ASH1L: variants seen among roughly 807,000 people sequenced by gnomAD.
The protein encoded by ASH1L is ASH1 like histone lysine methyltransferase.
Under a neutral mutation model 269.0 loss-of-function variants are expected in ASH1L, and 23 were observed. The ratio of observed to expected loss-of-function variants is 0.09; its 90% CI spans 0.06 to 0.12. ASH1L has a LOEUF of 0.12. ASH1L is among the 10% of genes least tolerant of loss of function. The pLI is 1.00. For synonymous variants in ASH1L, 1,187 were observed against 1,253.5 expected (o/e 0.95, Z 1.12); for missense variants, 2,912 against 3,567.8 (o/e 0.82, Z 4.68).
In ASH1L at chr1:155,520,996, A is replaced by G. The variant is rs541024260; in HGVS notation, c.420+104T>C. On this transcript the variant is annotated intron_variant, in intron 2 of 27. Transcript: ENST00000392403. ...CACAAAAACAAACTATCTGGAAATA[A>G]CATAGATTAAAATCAAACTCCCGGA... The G allele has an allele frequency of 7.3e-6, 9 of 1,239,396 alleles. No individual in the cohort carries two copies. The African/African-American group carries it at 1.2e-4, about 17-fold the overall frequency. 76.8% of individuals were successfully genotyped at this position (1,239,396 alleles called of 1,614,324 possible).
At chr1:155,350,495 T>C (rs1476258500) in intron 17 of ASH1L, among the ~76,000 whole-genome samples, 1 of 152,170 alleles carries the variant, frequency 6.6e-6, no homozygotes, top group East Asian at 1.9e-4. Context: ...CTGTGAAGAA[T>C]GAGAGATGGG....
At chr1:155,445,566 G>A (rs1389606951) in intron 4 of ASH1L, among the ~76,000 whole-genome samples, 5 of 152,084 alleles carry the variant, frequency 3.3e-5, no homozygotes, top group Non-Finnish European at 5.9e-5. Context: ...CTGGGCTCAA[G>A]TGATCTTCCT....
In ASH1L at chr1:155,522,482, T is replaced by C. The variant is rs181508762; in HGVS notation, c.-99-864A>G. On this transcript the variant is annotated intron_variant, in intron 1 of 27. Coordinates refer to ENST00000392403, the MANE Select transcript of ASH1L (RefSeq NM_018489.3). ...ATAAGAACCTTAAAAATCAGCAATT[T>C]ATTTTTACAAGTTTTCCTAATAGCA... 1.4e-3 allele frequency among the ~76,000 whole-genome samples: 212 copies of C among 152,276 alleles called. 2 individuals carry two copies. The highest frequency in any genetic ancestry group is 0.01 in the Middle Eastern group (3 of 294).
chr1:155,443,597 G>T (rs911529537), intron 4 of ASH1L, among the ~76,000 whole-genome samples: 1 of 151,990 alleles, frequency 6.6e-6, no homozygotes, highest in Non-Finnish European at 1.5e-5. Context: ...AAAATAAATT[G>T]CCTGTCATCC....
At chr1:155,491,428 T>C (rs890525238) in intron 2 of ASH1L, among the ~76,000 whole-genome samples, 1 of 152,092 alleles carries the variant, frequency 6.6e-6, no homozygotes, top group African/African-American at 2.4e-5. Context: ...CAAATACTTA[T>C]GAAAAACTGT....
At chr1:155,365,654 G>A (rs1483207916) in intron 12 of ASH1L, among the ~76,000 whole-genome samples, 1 of 152,170 alleles carries the variant, frequency 6.6e-6, no homozygotes, top group Non-Finnish European at 1.5e-5. Flanking sequence ...ATTTTACCAA[G>A]GCTTTGATTG....
chr1:155,555,373 T>C (rs1023748951), intron 1 of ASH1L, among the ~76,000 whole-genome samples: 1 of 150,294 alleles, frequency 6.7e-6, no homozygotes, highest in Admixed American at 6.6e-5. Context: ...GGCTCGCACC[T>C]GTAGTCCAAG....
intron 1 of ASH1L, among the ~76,000 whole-genome samples, chr1:155,529,413 T>C (rs1305100916): frequency 6.6e-6 from 1 of 151,554 alleles, no homozygotes; most frequent in African/African-American, 2.4e-5. Context: ...GGTCTCACTG[T>C]GGTTTTGATT....
At position 155,425,097 on chromosome 1, in the gene ASH1L, G is replaced by A. The variant is rs543563394; in HGVS notation, c.5829-9174C>T. ...TTATTCTCCTGCCTCAGCCTCCTCA[G>A]TAGCTGTGATTAAAGGCATGCACAA... On this transcript the variant is annotated intron_variant, in intron 5 of 27. Coordinates refer to ENST00000392403, the MANE Select transcript of ASH1L (RefSeq NM_018489.3). Among the ~76,000 whole-genome samples the A allele has an allele frequency of 4.6e-5, 7 of 151,684 alleles. No individual in the cohort carries two copies. The South Asian group carries it at 1.5e-3, about 32-fold the overall frequency.
intron 7 of ASH1L, among the ~76,000 whole-genome samples, chr1:155,388,610 CCTT>C (rs1396086801): frequency 6.6e-6 from 1 of 150,434 alleles, no homozygotes; most frequent in Non-Finnish European, 1.5e-5. Flanking sequence ...GCCTGGCTGA[CCTT>C]CTTCCAACCT....
intron 21 of ASH1L, among the ~76,000 whole-genome samples, chr1:155,345,757 T>G (rs898369639): frequency 6.6e-6 from 1 of 150,812 alleles, no homozygotes; most frequent in African/African-American, 2.4e-5. Context: ...GAATTTTTAG[T>G]AGAGACAGGG....
rs779858852 is a variant in ASH1L, at chr1:155,480,911, C to T, written c.1959G>A (p.Lys653=). 4 of 1,613,818 alleles carry T rather than the reference C, an allele frequency of 2.5e-6. No individual in the cohort carries two copies. Among genetic ancestry groups the T allele is most frequent in the Middle Eastern group, 1.6e-4 (1 of 6,062 alleles). The change falls in exon 3 of 28, where the codon AAG becomes AAA. Residue 653 remains lysine, a synonymous_variant. Transcript: ENST00000392403. Reference sequence around the variant, plus strand: ...TGCTGGATTCAGAAGTCAAACTTGGCTTTTTTCCAAGGGAAGAGCTTATTC... The same window carrying T: ...TGCTGGATTCAGAAGTCAAACTTGGTTTTTTTCCAAGGGAAGAGCTTATTC... ...IPRISSSLGK[K]PSLTSESSIH...
At position 155,382,476 on chromosome 1, in the gene ASH1L, C is replaced by T. The variant is rs141960925; in HGVS notation, c.6104-2360G>A. Among the ~76,000 whole-genome samples, 936 of 152,172 alleles carry T rather than the reference C, an allele frequency of 6.2e-3. 5 individuals are homozygous for T. The highest frequency in any genetic ancestry group is 8.9e-3 in the Non-Finnish European group (604 of 67,990). ...TTGTGCCACTGCACTCCAGCCTGGG[C>T]GACAGAGCAAGACTCTGTCTCAAAC... On this transcript the variant is annotated intron_variant, in intron 7 of 27. Coordinates refer to ENST00000392403, the MANE Select transcript of ASH1L (RefSeq NM_018489.3).
intron 3 of ASH1L, among the ~76,000 whole-genome samples, chr1:155,474,722 T>G (rs1031237099): frequency 1.3e-5 from 2 of 151,304 alleles, no homozygotes; most frequent in East Asian, 3.9e-4. Context: ...AAAAAAAAAC[T>G]GTGTTCTCCT....
Position 155,562,578 on chromosome 1 carries a change from C to G in ASH1L, c.-525G>C. 1.3e-6 allele frequency: 2 copies of G among 1,529,564 alleles called. No individual in the cohort carries two copies. Among genetic ancestry groups the G allele is most frequent in the Non-Finnish European group, 1.8e-6 (2 of 1,141,576 alleles). The allele number at this position is 1,529,564 out of a possible 1,614,324, so 94.7% of individuals were successfully genotyped here. A position where few individuals can be genotyped will look rare whatever the true frequency, so the allele number is the denominator to read the frequency against. On this transcript the variant is annotated 5_prime_UTR_variant, in exon 1 of 28. Transcript: ENST00000392403. ...CACCGTCCCCCGCTCCGCCCGACTC[C>G]GTCCGCGTAGCGCGCACGCCCGCCC...
At chr1:155,473,318 GAAAC>G (rs1164063089) in intron 3 of ASH1L, among the ~76,000 whole-genome samples, 4 of 152,020 alleles carry the variant, frequency 2.6e-5, no homozygotes, top group Non-Finnish European at 4.4e-5. Flanking sequence ...TTGTACAAAA[GAAAC>G]AAACAGGTAC....
intron 25 of ASH1L, among the ~76,000 whole-genome samples, chr1:155,340,307 T>C (rs570158829): frequency 1.3e-5 from 2 of 152,060 alleles, no homozygotes; most frequent in Non-Finnish European, 2.9e-5. Context: ...CTCAGCCTCC[T>C]GAGTAACTGG....
At chr1:155,413,877 A>G (rs1401748120) in intron 6 of ASH1L, among the ~76,000 whole-genome samples, 2 of 152,186 alleles carry the variant, frequency 1.3e-5, no homozygotes, top group Non-Finnish European at 2.9e-5. Flanking sequence ...CTATCTTTTT[A>G]AAGTCTTGGT....
intron 1 of ASH1L, among the ~76,000 whole-genome samples, chr1:155,554,537 G>C (rs905168362): frequency 6.6e-5 from 10 of 152,124 alleles, no homozygotes; most frequent in African/African-American, 2.2e-4. Flanking sequence ...CTCCCAAAGT[G>C]CTGGGATTAC....
Sources: gnomAD v4.1 joint callset for allele counts (sites outside exome capture counted in the v4.1 genomes callset) on GRCh38, gnomAD v4.1.1 for gene constraint, MANE v1.5 for transcripts, NCBI Gene and HGNC (gene_info 2026-07-23, HGNC 2026-07-21) for gene names.